Variants in COLEC11 observed in about 807,000 individuals in gnomAD.
The protein encoded by COLEC11 is collectin-11.
In COLEC11, 20 loss-of-function variants were observed where a neutral mutation model predicts 27.3. The ratio of observed to expected loss-of-function variants is 0.73; its 90% CI spans 0.51 to 1.06. COLEC11 has a LOEUF of 1.06. Ranked by LOEUF, COLEC11 falls within the 50% of genes least tolerant of loss-of-function variation. The pLI is 0.00. For synonymous variants in COLEC11, 163 were observed against 154.7 expected (o/e 1.05, Z -0.40); for missense variants, 310 against 383.0 (o/e 0.81, Z 1.59).
intron 5 of COLEC11, chr2:3,641,290 T>C (rs1262359429): frequency 1.5e-6 from 2 of 1,303,940 alleles, no homozygotes; most frequent in East Asian, 1.1e-4. Context: ...GAAGGTGTGC[T>C]TGCCGGTGTG....
In COLEC11 at chr2:3,611,535, A is replaced by G. The variant is rs114161813; in HGVS notation, c.131-1776A>G. On this transcript the variant is annotated intron_variant, in intron 2 of 6. Transcript: ENST00000349077. ...AATGCTGAGTTTATCTTGTTAGTGG[A>G]TATTTCTTGCTAAACTGTCAATACT... Among the ~76,000 whole-genome samples, 686 of 152,272 alleles carry G rather than the reference A, an allele frequency of 4.5e-3. 5 individuals carry two copies. Among genetic ancestry groups the G allele is most frequent in the Middle Eastern group, 0.024 (7 of 294 alleles).
In COLEC11 at chr2:3,613,357, A is replaced by G; in HGVS notation, c.177A>G (p.Gly59=). ...ACAAAGGCGCCCCCGGACGGCCTGG[A>G]AGAGTCGGCCCCACGGGAGAAAAAG... ...KGDKGAPGRP[G]RVGPTGEKGD... The change falls in exon 3 of 7, where the codon GGA becomes GGG. Residue 59 remains glycine, a synonymous_variant. Coordinates refer to ENST00000349077, the MANE Select transcript of COLEC11 (RefSeq NM_024027.5). 6.2e-7 allele frequency: 1 copy of G among 1,607,236 alleles called. No individual in the cohort carries two copies. The highest frequency in any genetic ancestry group is 8.5e-7 in the Non-Finnish European group (1 of 1,177,052).
At chr2:3,615,491 G>T (rs1238721943) in intron 3 of COLEC11, among the ~76,000 whole-genome samples, 2 of 152,234 alleles carry the variant, frequency 1.3e-5, no homozygotes, top group East Asian at 1.9e-4. Flanking sequence ...CAAGGCAGAA[G>T]AATTTTTCTT....
At chr2:3,605,256 CAGCAGAG>C (rs1337140454) in intron 2 of COLEC11, among the ~76,000 whole-genome samples, 1 of 151,440 alleles carries the variant, frequency 6.6e-6, no homozygotes, top group African/African-American at 2.4e-5. Context: ...GCACCGGCCG[CAGCAGAG>C]TCCAGGCCGC....
chr2:3,617,543 C>A lies in COLEC11; in HGVS notation c.202+4161C>A, dbSNP rs1663855184. The A allele has an allele frequency of 9.5e-6, 15 of 1,573,568 alleles. No homozygotes were observed. In the South Asian group the frequency reaches 1.7e-4, roughly 17 times the overall value. Reference sequence around the variant, plus strand: ...ATACAGTGCATATTGGCGGCGCACGCCTCACTACGATTTGCCTGCTTGCTT... The same window carrying A: ...ATACAGTGCATATTGGCGGCGCACGACTCACTACGATTTGCCTGCTTGCTT... On this transcript the variant is annotated intron_variant, in intron 3 of 6. Transcript: ENST00000349077.
chr2:3,636,446 C>T (rs1186694722), intron 3 of COLEC11, among the ~76,000 whole-genome samples: 3 of 151,874 alleles, frequency 2.0e-5, no homozygotes, highest in Non-Finnish European at 4.4e-5. Context: ...CAGAGTAAGA[C>T]TCCATCTCAA....
intron 3 of COLEC11, among the ~76,000 whole-genome samples, chr2:3,626,933 C>T (rs1397894931): frequency 3.3e-5 from 5 of 152,160 alleles, no homozygotes; most frequent in African/African-American, 7.2e-5. Context: ...CCACCACCCT[C>T]CACACCCTCC....
intron 3 of COLEC11, among the ~76,000 whole-genome samples, chr2:3,613,964 TTTTC>T (rs202066102): frequency 0.11 from 14,762 of 139,804 alleles, 909 homozygotes; most frequent in Non-Finnish European, 0.14. Context: ...TGTTTTTTCT[TTTTC>T]TTTCTTTCTT....
intron 1 of COLEC11, among the ~76,000 whole-genome samples, chr2:3,603,140 C>A (rs959705232): frequency 3.9e-5 from 6 of 152,118 alleles, no homozygotes; most frequent in Non-Finnish European, 8.8e-5. Context: ...TCTGCGGAGC[C>A]CCAGTCCCAG....
chr2:3,625,003 G>A (rs1664431564), intron 3 of COLEC11, among the ~76,000 whole-genome samples: 1 of 152,062 alleles, frequency 6.6e-6, no homozygotes, highest in South Asian at 2.1e-4. Flanking sequence ...ATTTACAGAG[G>A]GTCATTAAAC....
At chr2:3,624,234 C>T (rs1195616799) in intron 3 of COLEC11, among the ~76,000 whole-genome samples, 2 of 152,206 alleles carry the variant, frequency 1.3e-5, no homozygotes, top group Non-Finnish European at 2.9e-5. Flanking sequence ...GAGATGCTGG[C>T]ACTTGCCATC....
chr2:3,607,123 A>G (rs192949477), intron 2 of COLEC11, among the ~76,000 whole-genome samples: 1 of 151,370 alleles, frequency 6.6e-6, no homozygotes, highest in Non-Finnish European at 1.5e-5. Flanking sequence ...ACCTCTGCCA[A>G]CTCCACATTT....
chr2:3,595,283 G>A (rs1254866797), intron 1 of COLEC11, 115 bp downstream of exon 1: 2 of 200,082 alleles, frequency 1.0e-5, no homozygotes, highest in Non-Finnish European at 2.1e-5. Flanking sequence ...TGAGCGAGGA[G>A]GATGGGAATC....
At chr2:3,609,687 G>A (rs889708686) in intron 2 of COLEC11, among the ~76,000 whole-genome samples, 4 of 152,162 alleles carry the variant, frequency 2.6e-5, no homozygotes, top group South Asian at 2.1e-4. Context: ...CCGCTACCAC[G>A]CCTGGCTAAT....
chr2:3,632,482 C>T (rs756712767), intron 3 of COLEC11, among the ~76,000 whole-genome samples: 22 of 152,196 alleles, frequency 1.4e-4, no homozygotes, highest in Admixed American at 2.0e-4. Flanking sequence ...CTTCCTGCTG[C>T]GTCTCACGCG....
chr2:3,626,071 T>G (rs766510127), intron 3 of COLEC11: 2 of 1,613,966 alleles, frequency 1.2e-6, no homozygotes, highest in Admixed American at 1.7e-5. Context: ...CACCTCGTCC[T>G]TTGTAGAAAT....
At chr2:3,607,072 C>T (rs1281439515) in intron 2 of COLEC11, among the ~76,000 whole-genome samples, 3 of 151,980 alleles carry the variant, frequency 2.0e-5, no homozygotes, top group Non-Finnish European at 2.9e-5. Flanking sequence ...GCACGCGCCG[C>T]CCCCCCAACC....
At chr2:3,616,883 A>C (rs1469355586) in intron 3 of COLEC11, among the ~76,000 whole-genome samples, 1 of 152,216 alleles carries the variant, frequency 6.6e-6, no homozygotes, top group Non-Finnish European at 1.5e-5. Context: ...AGGTTCATCC[A>C]GGTCACAAAT....
chr2:3,616,628 G>A (rs1304234842), intron 3 of COLEC11, among the ~76,000 whole-genome samples: 2 of 152,232 alleles, frequency 1.3e-5, no homozygotes, highest in East Asian at 1.9e-4. Flanking sequence ...GCATGGCGGC[G>A]CACGCCTGCA....
Sources: allele counts gnomAD v4.1 joint callset (sites outside exome capture counted in the v4.1 genomes callset), GRCh38; gene constraint gnomAD v4.1.1; transcripts MANE v1.5; gene names NCBI Gene and HGNC (gene_info 2026-07-23, HGNC 2026-07-21).